SETD1B: variants seen among roughly 807,000 people sequenced by gnomAD.
The protein encoded by SETD1B is histone-lysine N-methyltransferase SETD1B.
Under a neutral mutation model 148.0 loss-of-function variants are expected in SETD1B, and 7 were observed. That is an observed-to-expected ratio of 0.05 (90% CI 0.03 to 0.09). The LOEUF (loss-of-function observed/expected upper bound fraction) is 0.09, where lower values mean the gene tolerates loss of function less well. Ranked by LOEUF, SETD1B falls within the 10% of genes least tolerant of loss-of-function variation. SETD1B has a pLI of 1.00. For synonymous variants in SETD1B, 1,361 were observed against 1,186.5 expected, an observed-to-expected ratio of 1.15 and a Z score of -3.02; for missense variants, 2,155 against 2,729.9, an observed-to-expected ratio of 0.79 and a Z score of 4.69.
At chr12:121,825,676 G>T (rs1222846004) in intron 13 of SETD1B, among the ~76,000 whole-genome samples, 2 of 151,898 alleles carry the variant, frequency 1.3e-5, no homozygotes, top group East Asian at 3.9e-4. Context: ...ACAAAGCCTT[G>T]CTCTGTCACA....
chr12:121,797,279 C>G, the SETD1B span: 8 of 373,726 alleles, frequency 2.1e-5, no homozygotes, highest in African/African-American at 4.2e-5. Context: ...AGTAGTAAGG[C>G]AAGTCCTGCC....
the SETD1B span, among the ~76,000 whole-genome samples, chr12:121,794,781 C>T: frequency 3.4e-4 from 3 of 8,936 alleles, no homozygotes; most frequent in African/African-American, 5.3e-4. Flanking sequence ...GGCAGAGGGA[C>T]CCCCCCCTGG....
In SETD1B at chr12:121,805,305, C is replaced by G. The variant is rs924705272; in HGVS notation, c.273+89C>G. On this transcript the variant is annotated intron_variant, in intron 3 of 16. Coordinates refer to ENST00000604567, the MANE Select transcript of SETD1B (RefSeq NM_001353345.2). This position sits in a 1 kb window ranked among gnomAD's most constrained non-coding sequence, Gnocchi z 4.2. ...AGTCCTGACCGAGCCCAGCCGGATTCCCAGTTCCCGCCGTCCGGGGCCAGG... is the reference window on the plus strand; with the variant it reads ...AGTCCTGACCGAGCCCAGCCGGATTGCCAGTTCCCGCCGTCCGGGGCCAGG... 1.8e-6 allele frequency: 2 copies of G among 1,136,630 alleles called. No homozygotes were observed. The highest frequency in any genetic ancestry group is 3.1e-5 in the African/African-American group (2 of 63,658). The allele number at this position is 1,136,630 out of a possible 1,614,324, so 70.4% of individuals were successfully genotyped here.
chr12:121,815,918 C>T (rs1876273947), intron 7 of SETD1B, among the ~76,000 whole-genome samples: 1 of 150,474 alleles, frequency 6.6e-6, no homozygotes, highest in African/African-American at 2.5e-5. Context: ...GCCTCCACCT[C>T]CTGGGTTCAA....
Position 121,817,919 on chromosome 12 carries a change from C to T in SETD1B, c.3418+15C>T, listed in dbSNP as rs746735657. ...CTCGGATGAAGGTGAGCAGGGAGGC[C>T]GTGGCTGCCTGGCCCTCCCGGAGTC... On this transcript the variant is annotated intron_variant, in intron 10 of 16. Coordinates refer to ENST00000604567, the MANE Select transcript of SETD1B (RefSeq NM_001353345.2). This position sits in a 1 kb window ranked among gnomAD's most constrained non-coding sequence, Gnocchi z 8.1. 2.8e-5 allele frequency: 42 copies of T among 1,521,960 alleles called. No individual in the cohort carries two copies. The highest frequency in any genetic ancestry group is 4.9e-5 in the East Asian group (2 of 40,472). The allele number at this position is 1,521,960 out of a possible 1,614,324, so 94.3% of individuals were successfully genotyped here. A position where few individuals can be genotyped will look rare whatever the true frequency, so the allele number is the denominator to read the frequency against.
chr12:121,804,989 G>A lies in SETD1B; in HGVS notation c.174+78G>A. On this transcript the variant is annotated intron_variant, in intron 2 of 16. Transcript: ENST00000604567. The surrounding 1 kb of genome is among the most constrained non-coding windows in gnomAD (Gnocchi z 4.6). ...CGCGCCTAGCGGCCAGGGACCCCCC[G>A]CCCGATCCCCCGGCCAACTGTCAGA... is the stretch of plus-strand genomic sequence containing the variant. 2.7e-6 allele frequency: 4 copies of A among 1,459,610 alleles called. No homozygotes were observed. The South Asian group carries it at 5.4e-5, about 20-fold the overall frequency. 90.4% of individuals were successfully genotyped at this position (1,459,610 alleles called of 1,614,324 possible).
Position 121,804,560 on chromosome 12 carries a change from C to G in SETD1B, c.-14-164C>G, listed in dbSNP as rs1875614999. On this transcript the variant is annotated intron_variant, in intron 1 of 16. Coordinates refer to ENST00000604567, the MANE Select transcript of SETD1B (RefSeq NM_001353345.2). This position sits in a 1 kb window ranked among gnomAD's most constrained non-coding sequence, Gnocchi z 4.6. The stretch of plus-strand genomic sequence containing the variant: ...AATTCTCCCGGAAGGGTTATTCTCT[C>G]GCTCCATTCTTGTTTTGGGGGGAGC... Among the ~76,000 whole-genome samples, 1 of 151,208 alleles carries G rather than the reference C, an allele frequency of 6.6e-6. No individual in the cohort carries two copies. The highest frequency in any genetic ancestry group is 1.5e-5 in the Non-Finnish European group (1 of 67,724).
At chr12:121,797,541 C>A in the SETD1B span, 4 of 456,466 alleles carry the variant, frequency 8.8e-6, no homozygotes, top group Non-Finnish European at 1.3e-5. Context: ...TGGGTCCCGA[C>A]ACCGTGCCGA....
upstream of SETD1B, chr12:121,799,717 T>TGGGGGGGGGGGGGGGGGGGGGGGGGG (rs1456064145): frequency 1.0e-4 from 2 of 19,138 alleles, no homozygotes; most frequent in Admixed American, 5.9e-4. Flanking sequence ...CGCTCGCAGC[T>TGGGGGGGGGGGGGGGGGGGGGGGGGG]GGGGGGGGGG....
In SETD1B at chr12:121,805,856, C is replaced by T; in HGVS notation, c.295C>T (p.Pro99Ser). 6.4e-7 allele frequency: 1 copy of T among 1,551,558 alleles called. No homozygotes were observed. The highest frequency in any genetic ancestry group is 1.2e-5 in the South Asian group (1 of 84,046). The change falls in exon 4 of 17, where the codon CCG (proline) becomes TCG (serine). Residue 99 changes from proline (P) to serine (S), a missense_variant. Physicochemically the swap from Pro to Ser is moderately conservative, Grantham distance 74. This residue lies in a region of SETD1B where 124 missense variants were observed against 282.9 expected (regional missense o/e 0.44). Transcript: ENST00000604567. This position sits in a 1 kb window ranked among gnomAD's most constrained non-coding sequence, Gnocchi z 4.2. ...KFKIDEFYVGPVPPKQVTFAK... is the reference protein window; with the variant it reads ...KFKIDEFYVGSVPPKQVTFAK... ...CCAGATCGATGAGTTCTACGTGGGC[C>T]CGGTGCCTCCGAAGCAGGTGACATT...
At chr12:121,828,879 C>A (rs1372331738) in intron 16 of SETD1B, among the ~76,000 whole-genome samples, 1 of 152,238 alleles carries the variant, frequency 6.6e-6, no homozygotes, top group Non-Finnish European at 1.5e-5. Flanking sequence ...CCAGGCCAGT[C>A]CTCAGCGCCT....
chr12:121,796,850 C>T, the SETD1B span, among the ~76,000 whole-genome samples: 1 of 152,226 alleles, frequency 6.6e-6, no homozygotes, highest in Non-Finnish European at 1.5e-5. Context: ...ACCAGCCTGA[C>T]CAACATGGAG....
At position 121,812,755 on chromosome 12, in the gene SETD1B, T is replaced by TGTGC. The variant is rs981319122; in HGVS notation, c.1891-1339_1891-1336dup. On this transcript the variant is annotated intron_variant, in intron 6 of 16. Coordinates refer to ENST00000604567, the MANE Select transcript of SETD1B (RefSeq NM_001353345.2). ...CATGGGGATCCTGAGAAGGAGAGTG[T>TGTGC]GTGCGTGCGTGCGTGTGTGTGTGTG... 6.6e-5 allele frequency among the ~76,000 whole-genome samples: 10 copies of TGTGC among 152,218 alleles called. No individual in the cohort carries two copies. In the East Asian group the frequency reaches 1.5e-3, roughly 24 times the overall value.
At chr12:121,800,507 G>C (rs1275345577), upstream of SETD1B, 3 of 152,042 alleles carry the variant, frequency 2.0e-5, no homozygotes, top group East Asian at 5.8e-4. Context: ...TGGGACCCGG[G>C]GCGGCCTCGA....
At chr12:121,821,715 C>T (rs921414205) in intron 11 of SETD1B, among the ~76,000 whole-genome samples, 3 of 152,022 alleles carry the variant, frequency 2.0e-5, no homozygotes, top group African/African-American at 7.2e-5. Context: ...TGTGCCATTG[C>T]ACTCCAGCCT....
intron 7 of SETD1B, among the ~76,000 whole-genome samples, chr12:121,815,214 C>T (rs1876232022): frequency 6.6e-6 from 1 of 152,218 alleles, no homozygotes; most frequent in South Asian, 2.1e-4. Flanking sequence ...ATTGCTTGAG[C>T]CTAGGAGTTC....
Position 121,822,572 on chromosome 12 carries a change from C to A in SETD1B, c.3993C>A (p.Pro1331=). 6.4e-7 allele frequency: 1 copy of A among 1,551,448 alleles called. No homozygotes were observed. The highest frequency in any genetic ancestry group is 8.7e-7 in the Non-Finnish European group (1 of 1,146,856). ...CACCATTGCCGCCCCCACGACCACC[C>A]CGGCCACCCAGCCCACCGCCGGAGC... ...LQPPLPPPRP[P]RPPSPPPEPE... is the part of the protein sequence containing the mutation. The change falls in exon 12 of 17, where the codon CCC becomes CCA. Residue 1331 remains proline (P), a synonymous_variant. Coordinates refer to ENST00000604567, the MANE Select transcript of SETD1B (RefSeq NM_001353345.2).
chr12:121,818,896 A>G (rs557551661), intron 10 of SETD1B, among the ~76,000 whole-genome samples: 2 of 151,768 alleles, frequency 1.3e-5, no homozygotes, highest in East Asian at 1.9e-4. Context: ...TCTCAAAAAA[A>G]AAAAAAAAAA....
chr12:121,815,041 C>T, intron 7 of SETD1B, 111 bp downstream of exon 7: 1 of 1,011,406 alleles, frequency 9.9e-7, no homozygotes, highest in African/African-American at 1.6e-5. Flanking sequence ...GCCGTGGACC[C>T]CACTATGGGA....
Sources: allele counts gnomAD v4.1 joint callset (sites outside exome capture counted in the v4.1 genomes callset), GRCh38; gene constraint gnomAD v4.1.1; regional missense constraint gnomAD v4.1.1; non-coding constraint Gnocchi (gnomAD v3.1); transcripts MANE v1.5; gene names NCBI Gene and HGNC (gene_info 2026-07-23, HGNC 2026-07-21).